Variants in ARHGEF10L observed in about 807,000 individuals in gnomAD.
ARHGEF10L encodes rho guanine nucleotide exchange factor 10-like protein.
ARHGEF10L carries 69 observed loss-of-function variants against 141.2 expected under a neutral mutation model. That is an observed-to-expected ratio of 0.49 (90% CI 0.40 to 0.60). The LOEUF is 0.60. Among genes scored for constraint, ARHGEF10L ranks in the 20% least tolerant of loss-of-function variants. ARHGEF10L has a pLI of 0.00. For synonymous variants in ARHGEF10L, 711 were observed against 718.5 expected, an observed-to-expected ratio of 0.99 and a Z score of 0.17; for missense variants, 1,482 against 1,734.3, an observed-to-expected ratio of 0.85 and a Z score of 2.58.
intron 1 of ARHGEF10L, among the ~76,000 whole-genome samples, chr1:17,550,941 G>A (rs2077089004): frequency 6.6e-6 from 1 of 151,976 alleles, no homozygotes; most frequent in Admixed American, 6.6e-5. Flanking sequence ...GGGGAGGATC[G>A]GCCCCTGGTC....
intron 26 of ARHGEF10L, among the ~76,000 whole-genome samples, chr1:17,680,195 A>T (rs2064010408): frequency 6.6e-6 from 1 of 151,996 alleles, no homozygotes; most frequent in Non-Finnish European, 1.5e-5. Context: ...CCAGTCAGGC[A>T]TTGGAAAGTC....
chr1:17,549,258 A>G (rs1232900048), intron 1 of ARHGEF10L, among the ~76,000 whole-genome samples: 1 of 152,012 alleles, frequency 6.6e-6, no homozygotes, highest in East Asian at 1.9e-4. Context: ...CCTGACCTCA[A>G]GTGATTCTCC....
intron 1 of ARHGEF10L, among the ~76,000 whole-genome samples, chr1:17,560,570 C>A (rs114294794): frequency 8.5e-5 from 13 of 152,158 alleles, no homozygotes; most frequent in Non-Finnish European, 1.5e-4. Context: ...AGCCAAACAA[C>A]GATCTTTTTT....
At chr1:17,571,583 G>T (rs2078002086) in intron 1 of ARHGEF10L, among the ~76,000 whole-genome samples, 1 of 152,106 alleles carries the variant, frequency 6.6e-6, no homozygotes, top group Non-Finnish European at 1.5e-5. Flanking sequence ...ACCCCAGCTG[G>T]AGTGCAGTAG....
intron 15 of ARHGEF10L, among the ~76,000 whole-genome samples, chr1:17,629,161 C>T (rs1325168497): frequency 6.6e-6 from 1 of 151,974 alleles, no homozygotes; most frequent in Non-Finnish European, 1.5e-5. Context: ...GCTGGGACTA[C>T]AAGCACGAGC....
intron 22 of ARHGEF10L, among the ~76,000 whole-genome samples, chr1:17,652,166 A>G (rs2061973887): frequency 6.6e-6 from 1 of 152,194 alleles, no homozygotes; most frequent in African/African-American, 2.4e-5. Context: ...GCCACAGTGT[A>G]GACAGGGTCG....
chr1:17,604,225 C>G (rs182230410), intron 6 of ARHGEF10L, among the ~76,000 whole-genome samples: 2 of 152,202 alleles, frequency 1.3e-5, no homozygotes, highest in Admixed American at 1.3e-4. Flanking sequence ...AGAGGCAGGG[C>G]TAGGATTTGA....
intron 7 of ARHGEF10L, among the ~76,000 whole-genome samples, chr1:17,611,752 C>T (rs1300987369): frequency 6.6e-6 from 1 of 152,208 alleles, no homozygotes; most frequent in Non-Finnish European, 1.5e-5. Flanking sequence ...GAAGCTGCAG[C>T]TCAGGTAAAG....
At chr1:17,692,498 G>A (rs1558051672) in intron 27 of ARHGEF10L, among the ~76,000 whole-genome samples, 1 of 152,146 alleles carries the variant, frequency 6.6e-6, no homozygotes, top group Non-Finnish European at 1.5e-5. Flanking sequence ...AGGAGCCTCA[G>A]TGCTATCCTG....
chr1:17,664,649 A>C, intron 26 of ARHGEF10L, 54 bp downstream of exon 26: 1 of 1,449,664 alleles, frequency 6.9e-7, no homozygotes, highest in Non-Finnish European at 9.1e-7. Context: ...CCTTTTGCTG[A>C]CCCTTTCTTA....
At chr1:17,580,870 G>T (rs1411306606) in intron 2 of ARHGEF10L, among the ~76,000 whole-genome samples, 1 of 152,224 alleles carries the variant, frequency 6.6e-6, no homozygotes, top group Non-Finnish European at 1.5e-5. Flanking sequence ...GTCTCCCTGA[G>T]ATCCGCCGGA....
the ARHGEF10L span, among the ~76,000 whole-genome samples, chr1:17,518,210 G>A: frequency 6.6e-6 from 1 of 152,206 alleles, no homozygotes; most frequent in Non-Finnish European, 1.5e-5. Flanking sequence ...TAGTTTGCTG[G>A]ACCCCAGTCT....
upstream of ARHGEF10L, among the ~76,000 whole-genome samples, chr1:17,539,207 T>G (rs1399802845): frequency 6.6e-6 from 1 of 151,714 alleles, no homozygotes; most frequent in African/African-American, 2.4e-5. This position sits in a 1 kb window ranked among gnomAD's most constrained non-coding sequence, Gnocchi z 6.0. Flanking sequence ...AGGTTCCCCA[T>G]GTTGCCATGG....
chr1:17,645,307 A>G lies in ARHGEF10L; in HGVS notation c.2273-3247A>G, dbSNP rs193217962. 4.6e-5 allele frequency among the ~76,000 whole-genome samples: 7 copies of G among 151,784 alleles called. No homozygotes were observed. The East Asian group carries it at 1.4e-3, about 30-fold the overall frequency. On this transcript the variant is annotated intron_variant, in intron 21 of 28. Coordinates refer to ENST00000361221, the MANE Select transcript of ARHGEF10L (RefSeq NM_018125.4). ...TGGCAGTGGCAGATGGGGAGCAACG[A>G]CTCCATTTTCTTGTAACGTCCCCAG...
chr1:17,596,812 G>A (rs540203940), intron 4 of ARHGEF10L, among the ~76,000 whole-genome samples: 3 of 152,204 alleles, frequency 2.0e-5, no homozygotes, highest in East Asian at 3.9e-4. Context: ...AGTACTAGGC[G>A]GATCCGAGGC....
At chr1:17,566,278 GTAGTGTCCCCCCTCCCCACC>G (rs2077751901) in intron 1 of ARHGEF10L, among the ~76,000 whole-genome samples, 1 of 152,172 alleles carries the variant, frequency 6.6e-6, no homozygotes, top group Non-Finnish European at 1.5e-5. Flanking sequence ...CCAGATGCCA[GTAGTGTCCCCCCTCCCCACC>G]TAGTGTGGCA....
In ARHGEF10L at chr1:17,625,957, G is replaced by A. The variant is rs568401777; in HGVS notation, c.1319G>A (p.Arg440Gln). 5.0e-6 allele frequency: 8 copies of A among 1,613,662 alleles called. No homozygotes were observed. The African/African-American group carries it at 5.3e-5, about 11-fold the overall frequency. The change falls in exon 14 of 29, where the codon CGA (arginine) becomes CAA (glutamine). Residue 440 changes from arginine (R) to glutamine (Q), a missense_variant and splice_region_variant. By Grantham distance (43) the Arg-to-Gln change is conservative. Coordinates refer to ENST00000361221, the MANE Select transcript of ARHGEF10L (RefSeq NM_018125.4). This position sits in a 1 kb window ranked among gnomAD's most constrained non-coding sequence, Gnocchi z 4.5. Reference sequence around the variant, plus strand: ...ATGACGGAACCTTGTCTCCACCAGCGACGGCAGGTGTGCAGCCCAGACCGT... The same window carrying A: ...ATGACGGAACCTTGTCTCCACCAGCAACGGCAGGTGTGCAGCCCAGACCGT... ...TKPAFLEFLK[R>Q]RQVCSPDRVT...
In ARHGEF10L at chr1:17,621,342, C is replaced by G. The variant is rs957601003; in HGVS notation, c.943-522C>G. ...CTGCCTCCCAGGTTCCAGCAATTCT[C>G]TTGCTTCAGCCTCCAAAGTAGCTGG... On this transcript the variant is annotated intron_variant, in intron 10 of 28. Transcript: ENST00000361221. The surrounding 1 kb of genome is among the most constrained non-coding windows in gnomAD (Gnocchi z 4.1). Among the ~76,000 whole-genome samples, 19 of 152,180 alleles carry G rather than the reference C, an allele frequency of 1.2e-4. No individual in the cohort carries two copies. Among genetic ancestry groups the G allele is most frequent in the Non-Finnish European group, 2.6e-4 (18 of 68,038 alleles).
chr1:17,571,970 G>T (rs527704072), intron 1 of ARHGEF10L, among the ~76,000 whole-genome samples: 1 of 152,272 alleles, frequency 6.6e-6, no homozygotes, highest in African/African-American at 2.4e-5. Flanking sequence ...CTCATTTCTG[G>T]CATCAGCTCA....
Sources: gnomAD v4.1 joint callset for allele counts (sites outside exome capture counted in the v4.1 genomes callset) on GRCh38, gnomAD v4.1.1 for gene constraint, Gnocchi (gnomAD v3.1) non-coding constraint, MANE v1.5 for transcripts, NCBI Gene and HGNC (gene_info 2026-07-23, HGNC 2026-07-21) for gene names.